The following ATXN7 variants were observed in gnomAD, a reference collection of about 807,000 sequenced individuals.
ATXN7 encodes ataxin-7.
A neutral mutation model predicts 70.5 loss-of-function variants in ATXN7; 12 were observed. The observed-to-expected ratio is 0.17, with a 90% CI of 0.11 to 0.28. The LOEUF (loss-of-function observed/expected upper bound fraction) is 0.28. Among genes scored for constraint, ATXN7 ranks in the 10% least tolerant of loss-of-function variants. The probability of loss-of-function intolerance (pLI) is 1.00; values close to 1 mark genes in which losing one functional copy is unlikely to be tolerated. For synonymous variants in ATXN7, 498 were observed against 448.7 expected (o/e 1.11, Z -1.39); for missense variants, 1,256 against 1,131.7 (o/e 1.11, Z -1.58).
At chr3:63,991,092 C>T (rs942113329) in intron 11 of ATXN7, 3 of 562,294 alleles carry the variant, frequency 5.3e-6, no homozygotes, top group Admixed American at 3.1e-5. Context: ...GTATGGAGCT[C>T]ACAGTCTAGT....
At chr3:63,977,482 C>T (rs911743165) in intron 5 of ATXN7, among the ~76,000 whole-genome samples, 5 of 152,042 alleles carry the variant, frequency 3.3e-5, no homozygotes, top group Admixed American at 2.6e-4. Flanking sequence ...ACATGCTGTT[C>T]CTTTAGTGCA....
rs1406747501 is a variant in ATXN7, at chr3:63,979,733, A to G, written c.500-182A>G. On this transcript the variant is annotated intron_variant, in intron 5 of 12. Coordinates refer to ENST00000674280, the MANE Select transcript of ATXN7 (RefSeq NM_001377405.1). ...TTCAGAAAGAGAAGGACCCGTTCCT[A>G]GAATGCTAAGTAAGTCTGTGGGGCC... Among the ~76,000 whole-genome samples the G allele has an allele frequency of 2.0e-5, 3 of 152,176 alleles. No homozygotes were observed. The East Asian group carries it at 5.8e-4, about 29-fold the overall frequency.
rs1559658683 is a variant in ATXN7 at position 63,988,076 on chromosome 3, G to T, written c.1113G>T (p.Gln371His). The T allele has an allele frequency of 6.2e-7, 1 of 1,614,080 alleles. No individual in the cohort carries two copies. The highest frequency in any genetic ancestry group is 1.7e-5 in the Admixed American group (1 of 60,018). ...GTCCACAGACACATTCCTTAACCCA[G>T]CGCAGGGCTGTCCAGGGTAGAAGAA... ...SLTCKTHSLT[Q>H]RRAVQGRRKR... is the part of the protein sequence containing the mutation. Residue 371 changes from glutamine (Q) to histidine (H), a missense_variant, in exon 9 of 13, where the codon CAG (glutamine) becomes CAT (histidine). Coordinates refer to ENST00000674280, the MANE Select transcript of ATXN7 (RefSeq NM_001377405.1).
intron 4 of ATXN7, among the ~76,000 whole-genome samples, chr3:63,916,920 GTTA>G (rs1704292565): frequency 6.6e-6 from 1 of 152,054 alleles, no homozygotes. Context: ...TGTTGTTGTT[GTTA>G]TTGTTGTTGA....
Position 63,912,646 on chromosome 3 carries a change from G to A in ATXN7, c.48G>A (p.Ala16=), listed in dbSNP as rs1340762710. Residue 16 remains alanine, a synonymous_variant, in exon 3 of 13, where the codon GCG becomes GCA. Coordinates refer to ENST00000674280, the MANE Select transcript of ATXN7 (RefSeq NM_001377405.1). ...ADDVRGEPRR[A]AAAAGGAAAA... ...ACGTCAGGGGGGAGCCGCGCCGCGC[G>A]GCGGCGGCGGCGGGCGGAGCAGCGG... 16 of 989,646 alleles carry A rather than the reference G, an allele frequency of 1.6e-5. No individual in the cohort carries two copies. The highest frequency in any genetic ancestry group is 1.8e-5 in the Non-Finnish European group (15 of 820,140). 61.3% of individuals were successfully genotyped at this position (989,646 alleles called of 1,614,324 possible). A position where few individuals can be genotyped will look rare whatever the true frequency, so the allele number is the denominator to read the frequency against.
chr3:63,973,728 T>G (rs1259963984), intron 5 of ATXN7, among the ~76,000 whole-genome samples: 2 of 151,820 alleles, frequency 1.3e-5, no homozygotes, highest in Non-Finnish European at 2.9e-5. Flanking sequence ...GAGAAGAATT[T>G]TATTGAGCAA....
chr3:63,935,356 G>A (rs1184056025), intron 4 of ATXN7, among the ~76,000 whole-genome samples: 1 of 152,014 alleles, frequency 6.6e-6, no homozygotes, highest in Non-Finnish European at 1.5e-5. Flanking sequence ...GCTCTGTATA[G>A]TCTTATTTCC....
At chr3:63,972,183 C>T (rs1368799813) in intron 5 of ATXN7, among the ~76,000 whole-genome samples, 1 of 152,198 alleles carries the variant, frequency 6.6e-6, no homozygotes, top group Non-Finnish European at 1.5e-5. Context: ...GAAGGGACAG[C>T]TTAATGAATG....
At chr3:63,872,208 G>T (rs1030662990) in intron 1 of ATXN7, among the ~76,000 whole-genome samples, 1 of 152,170 alleles carries the variant, frequency 6.6e-6, no homozygotes, top group African/African-American at 2.4e-5. Context: ...ACTTTAGGAC[G>T]TGAATACACT....
rs1575997996 is a variant in ATXN7 at position 63,990,815 on chromosome 3, C to A, written c.1638C>A (p.Ala546=). 6.2e-7 allele frequency: 1 copy of A among 1,614,216 alleles called. No homozygotes were observed. Among genetic ancestry groups the A allele is most frequent in the Non-Finnish European group, 8.5e-7 (1 of 1,180,044 alleles). Residue 546 remains alanine, a synonymous_variant, in exon 11 of 13, where the codon GCC becomes GCA. Transcript: ENST00000674280. ...CCAGGTGGAATCGACTTCGCTGCGC[C>A]CTCAACCTCATGGTGGAGAAGCATC... ...FDSRWNRLRC[A]LNLMVEKHLN...
chr3:63,984,852 T>C (rs33999932), intron 8 of ATXN7, among the ~76,000 whole-genome samples: 1 of 152,186 alleles, frequency 6.6e-6, no homozygotes, highest in Non-Finnish European at 1.5e-5. Context: ...TGATTATAGA[T>C]CTCATATAAG....
chr3:63,942,510 C>T (rs936027363), intron 4 of ATXN7, among the ~76,000 whole-genome samples: 7 of 152,016 alleles, frequency 4.6e-5, no homozygotes, highest in East Asian at 1.9e-4. Context: ...TTTTGTTCAC[C>T]GATATATTTA....
At chr3:63,962,926 T>TTC (rs2075155960) in intron 5 of ATXN7, among the ~76,000 whole-genome samples, 7 of 150,054 alleles carry the variant, frequency 4.7e-5, no homozygotes, top group African/African-American at 1.5e-4. Context: ...TTTTTTTTTT[T>TTC]CTTCTTCAAG....
intron 8 of ATXN7, among the ~76,000 whole-genome samples, chr3:63,985,588 C>T (rs964547793): frequency 2.6e-5 from 4 of 152,204 alleles, no homozygotes; most frequent in Non-Finnish European, 4.4e-5. Context: ...TGCCAGGTCT[C>T]TTCTGTCTTA....
intron 5 of ATXN7, among the ~76,000 whole-genome samples, chr3:63,955,071 A>G (rs952798705): frequency 6.6e-6 from 1 of 152,278 alleles, no homozygotes; most frequent in East Asian, 1.9e-4. Flanking sequence ...AGTCCCTAGC[A>G]CGGTATCTCC....
Position 64,002,366 on chromosome 3 carries a change from C to T in ATXN7, c.*2899C>T, listed in dbSNP as rs2075841854. On this transcript the variant is annotated 3_prime_UTR_variant, in exon 13 of 13. Transcript: ENST00000674280. ...AAAGTCTTTGTCCCTTTTAGTGTCT[C>T]GGGAGTGGATTCATACAGATGAAGT... 1 of 152,390 alleles carries T rather than the reference C, an allele frequency of 6.6e-6. No individual in the cohort carries two copies. The highest frequency in any genetic ancestry group is 6.6e-5 in the Admixed American group (1 of 15,246). 9.4% of individuals were successfully genotyped at this position (152,390 alleles called of 1,614,324 possible). A position where few individuals can be genotyped will look rare whatever the true frequency, so the allele number is the denominator to read the frequency against.
rs2075515375 is a variant in ATXN7, at chr3:63,983,014, C to T, written c.1088C>T (p.Thr363Ile). Residue 363 changes from threonine (T) to isoleucine (I), a missense_variant, in exon 8 of 13, where the codon ACA (threonine) becomes ATA (isoleucine). Physicochemically the swap from Thr to Ile is moderately conservative, Grantham distance 89. Transcript: ENST00000674280. ...DTKKPCTRSL[T>I]CKTHSLTQRR... ...AAGAAGCCCTGCACCCGGTCTTTGA[C>T]ATGCAAGGTAGGTGGACTCCTGAAA... 6.2e-7 allele frequency: 1 copy of T among 1,613,678 alleles called. No individual in the cohort carries two copies. Among genetic ancestry groups the T allele is most frequent in the African/African-American group, 1.3e-5 (1 of 74,986 alleles).
intron 4 of ATXN7, among the ~76,000 whole-genome samples, chr3:63,923,788 C>A (rs191737930): frequency 4.4e-4 from 67 of 152,186 alleles, no homozygotes; most frequent in Non-Finnish European, 7.5e-4. Flanking sequence ...GAGCAAGACC[C>A]TGTCACAAAA....
Position 63,982,427 on chromosome 3 carries a change from T to C in ATXN7, c.994T>C (p.Leu332=). 2 of 1,608,072 alleles carry C rather than the reference T, an allele frequency of 1.2e-6. No individual in the cohort carries two copies. The highest frequency in any genetic ancestry group is 1.7e-6 in the Non-Finnish European group (2 of 1,175,536). ...PEDNSNNRKF[L]NKRLSEREFD... is the part of the protein sequence containing the mutation. Reference sequence around the variant, plus strand: ...AGACAATTCCAATAATAGGAAATTTTTAAATAAGAGATTATCAGGTAACTT... The same window carrying C: ...AGACAATTCCAATAATAGGAAATTTCTAAATAAGAGATTATCAGGTAACTT... Residue 332 remains leucine, a synonymous_variant, in exon 7 of 13, where the codon TTA becomes CTA. Coordinates refer to ENST00000674280, the MANE Select transcript of ATXN7 (RefSeq NM_001377405.1).
Sources: allele counts gnomAD v4.1 joint callset (sites outside exome capture counted in the v4.1 genomes callset), GRCh38; gene constraint gnomAD v4.1.1; transcripts MANE v1.5; gene names NCBI Gene and HGNC (gene_info 2026-07-23, HGNC 2026-07-21).